The following SMCHD1 variants were observed in gnomAD, a reference collection of about 807,000 sequenced individuals.
SMCHD1 encodes the protein structural maintenance of chromosomes flexible hinge domain containing 1, also known as structural maintenance of chromosomes flexible hinge domain-containing protein 1.
In SMCHD1, 78 loss-of-function variants were observed where a neutral mutation model predicts 254.7. The observed-to-expected ratio is 0.31, with a 90% CI of 0.26 to 0.37. The LOEUF is 0.37. Ranked by LOEUF, SMCHD1 falls within the 10% of genes least tolerant of loss-of-function variation. SMCHD1 has a pLI of 1.00. For synonymous variants in SMCHD1, 766 were observed against 794.9 expected, an observed-to-expected ratio of 0.96 and a Z score of 0.61; for missense variants, 1,840 against 2,408.1, an observed-to-expected ratio of 0.76 and a Z score of 4.94.
intron 47 of SMCHD1, 200 bp downstream of exon 47, chr18:2,796,721 C>T: frequency 3.8e-6 from 2 of 524,114 alleles, no homozygotes; most frequent in African/African-American, 2.0e-5. Context: ...GCTGGCATTA[C>T]AGGCATGCAC....
chr18:2,702,249 T>G (rs1598337812), intron 12 of SMCHD1: 1 of 138,120 alleles, frequency 7.2e-6, no homozygotes, highest in Admixed American at 8.6e-5. Context: ...AGGCCAGGAG[T>G]TCAAGACCAG....
chr18:2,734,783 C>T lies in SMCHD1; in HGVS notation c.3276+2291C>T, dbSNP rs150074270. The stretch of plus-strand genomic sequence containing the variant: ...TGATTTTCATTAAAAAGTTAATTCA[C>T]CACGGGCCAGGCGTGGTGGCTCACA... On this transcript the variant is annotated intron_variant, in intron 25 of 47. Transcript: ENST00000320876. Among the ~76,000 whole-genome samples, 35 of 151,968 alleles carry T rather than the reference C, an allele frequency of 2.3e-4. No individual in the cohort carries two copies. The East Asian group carries it at 5.2e-3, about 23-fold the overall frequency.
intron 24 of SMCHD1, among the ~76,000 whole-genome samples, chr18:2,730,950 C>CTGGACT (rs1485689517): frequency 6.6e-6 from 1 of 152,132 alleles, no homozygotes; most frequent in African/African-American, 2.4e-5. Context: ...AGGGAGGAAT[C>CTGGACT]TGGACTTGGA....
At chr18:2,701,759 C>G (rs1329763663) in intron 12 of SMCHD1, among the ~76,000 whole-genome samples, 3 of 152,000 alleles carry the variant, frequency 2.0e-5, no homozygotes, top group Admixed American at 1.3e-4. Flanking sequence ...TACTTGTATT[C>G]TGTGAACAGA....
intron 45 of SMCHD1, among the ~76,000 whole-genome samples, chr18:2,787,373 G>A (rs1246670340): frequency 1.3e-5 from 2 of 152,116 alleles, no homozygotes; most frequent in Non-Finnish European, 2.9e-5. Context: ...GAGCTTTGGT[G>A]GGGACAAACC....
rs1222594551 is a variant in SMCHD1, at chr18:2,679,750, A to G, written c.638+5605A>G. The stretch of plus-strand genomic sequence containing the variant: ...AGAGTTCATTGAGCTTCTCGGATAT[A>G]TAGAATAAAGTTTTTCTTCAAATTT... On this transcript the variant is annotated intron_variant, in intron 5 of 47. Coordinates refer to ENST00000320876, the MANE Select transcript of SMCHD1 (RefSeq NM_015295.3). Among the ~76,000 whole-genome samples, 3 of 152,152 alleles carry G rather than the reference A, an allele frequency of 2.0e-5. No homozygotes were observed. In the East Asian group the frequency reaches 5.8e-4, roughly 29 times the overall value.
chr18:2,724,971 C>T lies in SMCHD1; in HGVS notation c.2676C>T (p.Gly892=). 6.3e-7 allele frequency: 1 copy of T among 1,584,646 alleles called. No homozygotes were observed. Among genetic ancestry groups the T allele is most frequent in the Non-Finnish European group, 8.6e-7 (1 of 1,161,674 alleles). Residue 892 remains glycine (G), a synonymous_variant, in exon 21 of 48, where the codon GGC becomes GGT. Coordinates refer to ENST00000320876, the MANE Select transcript of SMCHD1 (RefSeq NM_015295.3). ...NCVIRGVTAK[G]PVNSCQGKNY... ...TAATTCGAGGTGTTACAGCCAAGGG[C>T]CCTGTAAACTCTTGTCAAGGCAAGG...
rs551738012 is a variant in SMCHD1 at position 2,802,619 on chromosome 18, G to A, written c.*67G>A. 1.4e-6 allele frequency: 2 copies of A among 1,441,336 alleles called. No individual in the cohort carries two copies. The highest frequency in any genetic ancestry group is 2.3e-5 in the Admixed American group (1 of 43,868). 89.3% of individuals were successfully genotyped at this position (1,441,336 alleles called of 1,614,324 possible). On this transcript the variant is annotated 3_prime_UTR_variant, in exon 48 of 48. Coordinates refer to ENST00000320876, the MANE Select transcript of SMCHD1 (RefSeq NM_015295.3). ...CCCTGCTTTCTGCATCTCTGTTTCA[G>A]AAGACCAAGAGGGTGACTTACCAGA...
intron 36 of SMCHD1, among the ~76,000 whole-genome samples, chr18:2,763,052 T>G (rs756191713): frequency 1.4e-4 from 22 of 152,364 alleles, no homozygotes; most frequent in Middle Eastern, 3.4e-3. Context: ...GTAGTGGGAC[T>G]GCACCTTCAT....
At position 2,772,253 on chromosome 18, in the gene SMCHD1, C is replaced by A; in HGVS notation, c.5056C>A (p.Pro1686Thr). ...NIDIPTTQQV[P>T]HIEALLKRKL... ...AATTTTTCTTTATAAATTATAGGTG[C>A]CACACATTGAAGCACTTCTGAAAAG... is the stretch of plus-strand genomic sequence containing the variant. The change falls in exon 41 of 48, where the codon CCA becomes ACA. Residue 1686 changes from proline to threonine, a missense_variant. Transcript: ENST00000320876. 6.3e-7 allele frequency: 1 copy of A among 1,581,264 alleles called. No homozygotes were observed. Among genetic ancestry groups the A allele is most frequent in the Non-Finnish European group, 8.6e-7 (1 of 1,168,100 alleles).
chr18:2,723,433 G>T (rs538330154), intron 20 of SMCHD1, among the ~76,000 whole-genome samples: 2 of 152,158 alleles, frequency 1.3e-5, no homozygotes, highest in East Asian at 1.9e-4. Flanking sequence ...TTGCCTGTGA[G>T]CTCCACTGTG....
At chr18:2,738,866 A>G (rs570481202) in intron 26 of SMCHD1, among the ~76,000 whole-genome samples, 4 of 152,292 alleles carry the variant, frequency 2.6e-5, no homozygotes, top group Admixed American at 2.0e-4. Context: ...AGAAGGAAAA[A>G]TCCTTTCATT....
intron 4 of SMCHD1, 113 bp from the exon 5 acceptor site, chr18:2,673,902 C>A: frequency 9.8e-7 from 1 of 1,019,848 alleles, no homozygotes; most frequent in Non-Finnish European, 1.4e-6. Flanking sequence ...ATTTGCACTT[C>A]CATCAGTAAT....
rs1032628344 is a variant in SMCHD1, at chr18:2,660,153, G to A, written c.186+3892G>A. 1.1e-4 allele frequency among the ~76,000 whole-genome samples: 16 copies of A among 152,074 alleles called. No homozygotes were observed. In the South Asian group the frequency reaches 1.2e-3, roughly 12 times the overall value. ...AGCTTGGCCAACATGGTGAAACCCC[G>A]TCTCTACTAAAAATACAAATATTAG... On this transcript the variant is annotated intron_variant, in intron 1 of 47. Coordinates refer to ENST00000320876, the MANE Select transcript of SMCHD1 (RefSeq NM_015295.3).
chr18:2,752,262 C>A (rs547678171), intron 33 of SMCHD1, among the ~76,000 whole-genome samples: 1 of 152,256 alleles, frequency 6.6e-6, no homozygotes, highest in African/African-American at 2.4e-5. Context: ...CCATAAAGTT[C>A]TACTGTGTGT....
intron 30 of SMCHD1, among the ~76,000 whole-genome samples, chr18:2,749,696 A>G (rs2075535615): frequency 6.6e-6 from 1 of 152,208 alleles, no homozygotes; most frequent in African/African-American, 2.4e-5. Context: ...GCAGTCCCCT[A>G]TACCTGCCCC....
chr18:2,748,376 G>GTATATA (rs762343246), intron 30 of SMCHD1, among the ~76,000 whole-genome samples: 1 of 27,966 alleles, frequency 3.6e-5, no homozygotes, highest in Non-Finnish European at 8.2e-5. Flanking sequence ...GTGTGTGTGT[G>GTATATA]TGTGTGTATA....
At chr18:2,674,209 G>T (rs1264808170) in intron 5 of SMCHD1, 64 bp downstream of exon 5, 10 of 1,412,836 alleles carry the variant, frequency 7.1e-6, no homozygotes, top group Non-Finnish European at 8.5e-6. Context: ...ATAAAAAACT[G>T]GTATGCCTTT....
At chr18:2,690,423 G>C (rs975800146) in intron 7 of SMCHD1, among the ~76,000 whole-genome samples, 4 of 152,104 alleles carry the variant, frequency 2.6e-5, no homozygotes, top group African/African-American at 7.2e-5. Flanking sequence ...CTGAATTACA[G>C]ATTTTTTTCT....
Sources: allele counts gnomAD v4.1 joint callset (sites outside exome capture counted in the v4.1 genomes callset), GRCh38; gene constraint gnomAD v4.1.1; transcripts MANE v1.5; gene names NCBI Gene and HGNC (gene_info 2026-07-23, HGNC 2026-07-21).